The following VIPR2 variants were observed in gnomAD, a reference collection of about 807,000 sequenced individuals.
The protein encoded by VIPR2 is vasoactive intestinal polypeptide receptor 2.
A neutral mutation model predicts 58.0 loss-of-function variants in VIPR2; 48 were observed. The observed-to-expected ratio is 0.83, with a 90% CI of 0.66 to 1.05. The LOEUF is 1.05. Among genes scored for constraint, VIPR2 ranks in the 50% least tolerant of loss-of-function variants. The pLI is 0.00. For missense variants in VIPR2, 534 were observed against 558.0 expected (o/e 0.96, Z 0.43); for synonymous variants, 243 against 235.2 (o/e 1.03, Z -0.30).
intron 2 of VIPR2, 117 bp downstream of exon 2, chr7:159,142,329 T>A: frequency 2.7e-6 from 2 of 738,026 alleles, no homozygotes; most frequent in South Asian, 3.8e-5. Context: ...GAAGTGGCCT[T>A]TCTTTTTCTT....
intron 4 of VIPR2, among the ~76,000 whole-genome samples, chr7:159,076,331 AG>A (rs1856635962): frequency 6.6e-6 from 1 of 152,232 alleles, no homozygotes; most frequent in Non-Finnish European, 1.5e-5. Context: ...TTGAAGACAG[AG>A]GATCTTCATC....
rs772223509 is a variant in VIPR2 at position 159,103,767 on chromosome 7, T to C, written c.347A>G (p.Asp116Gly). 2 of 1,613,978 alleles carry C rather than the reference T, an allele frequency of 1.2e-6. No individual in the cohort carries two copies. Among genetic ancestry groups the C allele is most frequent in the Admixed American group, 3.3e-5 (2 of 60,020 alleles). Residue 116 changes from aspartate (D) to glycine (G), a missense_variant, in exon 4 of 13, where the codon GAT becomes GGT. Physicochemically the swap from Asp to Gly is moderately conservative, Grantham distance 94. Transcript: ENST00000262178. The stretch of plus-strand genomic sequence containing the variant: ...CACGCAGGAGCCTACCTTGCTCTCA[T>C]CCTCCGGGTCGCTGTAGCCACAGGC... Reference protein sequence around the residue: ...VDACGYSDPEDESKITFYILV... With the variant: ...VDACGYSDPEGESKITFYILV...
chr7:159,133,811 A>G (rs1458051648), intron 2 of VIPR2, among the ~76,000 whole-genome samples: 1 of 152,216 alleles, frequency 6.6e-6, no homozygotes, highest in Admixed American at 6.5e-5. Context: ...GAAAAAAGGA[A>G]CTAACCCAAT....
At chr7:159,117,223 A>C in intron 2 of VIPR2, 1 of 682,558 alleles carries the variant, frequency 1.5e-6, no homozygotes, top group Non-Finnish European at 2.7e-6. Flanking sequence ...GTCCCTTGCC[A>C]TCTCAGACTG....
chr7:159,100,772 C>CACG (rs1355730418), intron 4 of VIPR2, among the ~76,000 whole-genome samples: 1 of 147,094 alleles, frequency 6.8e-6, no homozygotes, highest in African/African-American at 2.5e-5. Flanking sequence ...GAACGGGTCT[C>CACG]AGATCCGACG....
intron 4 of VIPR2, among the ~76,000 whole-genome samples, chr7:159,083,725 G>A (rs1857030289): frequency 1.3e-5 from 2 of 152,226 alleles, no homozygotes; most frequent in African/African-American, 4.8e-5. Context: ...CATCCAGGAG[G>A]TATGCAGTTT....
intron 1 of VIPR2, 121 bp downstream of exon 1, chr7:159,144,600 C>T (rs926754327): frequency 8.0e-6 from 11 of 1,379,546 alleles, no homozygotes; most frequent in Admixed American, 6.3e-5. Flanking sequence ...CTCCCTCTCC[C>T]GGACCCCGCC....
chr7:159,082,451 A>T lies in VIPR2; in HGVS notation c.357+21306T>A, dbSNP rs1450147615. On this transcript the variant is annotated intron_variant, in intron 4 of 12. Transcript: ENST00000262178. ...GGACACAGGAAGGGGAACATCACAC[A>T]CCGGGGACTGTTGTGGGGTGGTGGG... is the stretch of plus-strand genomic sequence containing the variant. 4.0e-5 allele frequency among the ~76,000 whole-genome samples: 6 copies of T among 149,804 alleles called. 1 individual carries two copies. The highest frequency in any genetic ancestry group is 1.3e-4 in the Admixed American group (2 of 15,098).
chr7:159,088,329 A>G (rs568132319), intron 4 of VIPR2, among the ~76,000 whole-genome samples: 1 of 151,224 alleles, frequency 6.6e-6, no homozygotes, highest in South Asian at 2.1e-4. Context: ...GTACACCACA[A>G]TCATGCTGCA....
At chr7:159,049,043 A>T (rs1376673197) in intron 5 of VIPR2, among the ~76,000 whole-genome samples, 3 of 151,990 alleles carry the variant, frequency 2.0e-5, no homozygotes, top group Non-Finnish European at 4.4e-5. Flanking sequence ...CCCTCTGTGG[A>T]CTCTGAGCGT....
At chr7:159,061,652 C>CAA (rs35646553) in intron 4 of VIPR2, among the ~76,000 whole-genome samples, 8 of 143,330 alleles carry the variant, frequency 5.6e-5, no homozygotes, top group Middle Eastern at 3.6e-3. Flanking sequence ...GGACCTGTCG[C>CAA]AAAAAAAAAA....
In VIPR2 at chr7:159,097,074, G is replaced by A. The variant is rs2129495590; in HGVS notation, c.357+6683C>T. 6.5e-7 allele frequency: 1 copy of A among 1,543,660 alleles called. No homozygotes were observed. Among genetic ancestry groups the A allele is most frequent in the East Asian group, 2.5e-5 (1 of 40,798 alleles). The stretch of plus-strand genomic sequence containing the variant: ...GCAGGCTCCTCCTGGCACCCTGGGA[G>A]GCTGGTGTGTCCTTGCAGGGTTGCA... On this transcript the variant is annotated intron_variant, in intron 4 of 12. Coordinates refer to ENST00000262178, the MANE Select transcript of VIPR2 (RefSeq NM_003382.5). The surrounding 1 kb of genome is among the most constrained non-coding windows in gnomAD (Gnocchi z 5.3).
Position 159,054,414 on chromosome 7 carries a change from G to A in VIPR2, c.455+4067C>T, listed in dbSNP as rs144495297. On this transcript the variant is annotated intron_variant, in intron 5 of 12. Transcript: ENST00000262178. ...AGAGCTTAAACTCAGTCACAGAGCT[G>A]GAGACAAAATCCGTAATACTCGTAT... 3.3e-5 allele frequency among the ~76,000 whole-genome samples: 5 copies of A among 152,250 alleles called. No homozygotes were observed. In the East Asian group the frequency reaches 9.7e-4, roughly 29 times the overall value.
chr7:159,078,463 CA>C (rs1392227916), intron 4 of VIPR2, among the ~76,000 whole-genome samples: 1 of 152,162 alleles, frequency 6.6e-6, no homozygotes, highest in Non-Finnish European at 1.5e-5. Flanking sequence ...ATGCAATATT[CA>C]AAAGCTGATT....
At chr7:159,070,749 T>C (rs745825758) in intron 4 of VIPR2, among the ~76,000 whole-genome samples, 9 of 152,254 alleles carry the variant, frequency 5.9e-5, no homozygotes, top group South Asian at 2.1e-4. Flanking sequence ...AAGGGCTACA[T>C]TGCAAATTAT....
intron 2 of VIPR2, among the ~76,000 whole-genome samples, chr7:159,121,174 A>ACCTC (rs371441926): frequency 0.013 from 1,975 of 149,758 alleles, 38 homozygotes; most frequent in African/African-American, 0.045. Context: ...CTGGGTGGTC[A>ACCTC]CCTCCCTCCC....
At chr7:159,139,388 G>A (rs550724195) in intron 2 of VIPR2, among the ~76,000 whole-genome samples, 14 of 152,262 alleles carry the variant, frequency 9.2e-5, no homozygotes, top group Admixed American at 2.0e-4. Context: ...GAGGGAACCC[G>A]TGCGCACACG....
intron 4 of VIPR2, among the ~76,000 whole-genome samples, chr7:159,082,217 A>G (rs1367081210): frequency 2.0e-5 from 3 of 152,214 alleles, no homozygotes; most frequent in African/African-American, 7.2e-5. Flanking sequence ...AACTAACCCA[A>G]ATGTCCAACA....
In VIPR2 at chr7:159,030,295, A is replaced by C; in HGVS notation, c.*321T>G. The C allele has an allele frequency of 3.5e-6, 1 of 284,450 alleles. No individual in the cohort carries two copies. Among genetic ancestry groups the C allele is most frequent in the East Asian group, 5.8e-5 (1 of 17,350 alleles). 17.6% of individuals were successfully genotyped at this position (284,450 alleles called of 1,614,324 possible). A position where few individuals can be genotyped will look rare whatever the true frequency, so the allele number is the denominator to read the frequency against. ...GAGGCGGAGCTTGCAGGGAGCAGAG[A>C]TCAGGCCACTGCAGTCCAGCCTGGG... On this transcript the variant is annotated 3_prime_UTR_variant, in exon 13 of 13. Transcript: ENST00000262178.
Sources: gnomAD v4.1 joint callset for allele counts (sites outside exome capture counted in the v4.1 genomes callset) on GRCh38, gnomAD v4.1.1 for gene constraint, Gnocchi (gnomAD v3.1) non-coding constraint, MANE v1.5 for transcripts, NCBI Gene and HGNC (gene_info 2026-07-23, HGNC 2026-07-21) for gene names.